Variants in EPHA6 observed in about 807,000 individuals in gnomAD.
EPHA6 encodes ephrin type-A receptor 6.
Under a neutral mutation model 112.0 loss-of-function variants are expected in EPHA6, and 50 were observed. The ratio of observed to expected loss-of-function variants is 0.45; its 90% confidence interval spans 0.36 to 0.56. The LOEUF (loss-of-function observed/expected upper bound fraction) is 0.56, where lower values mean the gene tolerates loss of function less well. Among genes scored for constraint, EPHA6 ranks in the 20% least tolerant of loss-of-function variants. EPHA6 has a pLI of 0.00. For missense variants in EPHA6, 1,280 were observed against 1,417.4 expected (o/e 0.90, Z 1.56); for synonymous variants, 529 against 490.7 (o/e 1.08, Z -1.03).
chr3:97,180,718 G>T (rs1460991160), intron 3 of EPHA6, among the ~76,000 whole-genome samples: 1 of 152,050 alleles, frequency 6.6e-6, no homozygotes, highest in Non-Finnish European at 1.5e-5. Context: ...GGCTGAGCTG[G>T]AATCCTAGAT....
intron 3 of EPHA6, among the ~76,000 whole-genome samples, chr3:97,096,034 T>A (rs193051592): frequency 2.4e-4 from 36 of 152,162 alleles, no homozygotes; most frequent in Non-Finnish European, 1.0e-4. Context: ...GGATGGTGGA[T>A]AAGACACATA....
chr3:97,124,786 G>T (rs2108311696), intron 3 of EPHA6, among the ~76,000 whole-genome samples: 1 of 152,250 alleles, frequency 6.6e-6, no homozygotes, highest in Middle Eastern at 3.4e-3. Flanking sequence ...AGAAATGTGT[G>T]CTCTACCCTA....
intron 7 of EPHA6, among the ~76,000 whole-genome samples, chr3:97,461,243 A>T (rs1264311377): frequency 6.6e-6 from 1 of 152,212 alleles, no homozygotes; most frequent in Non-Finnish European, 1.5e-5. Context: ...GGTATTTTGC[A>T]GGTAAATTGC....
intron 10 of EPHA6, among the ~76,000 whole-genome samples, chr3:97,502,057 G>C (rs374990712): frequency 6.6e-6 from 1 of 151,442 alleles, no homozygotes; most frequent in Non-Finnish European, 1.5e-5. Flanking sequence ...CAGGGCTTAC[G>C]TACCACAGAG....
intron 15 of EPHA6, among the ~76,000 whole-genome samples, chr3:97,733,781 TA>T (rs2035139233): frequency 1.3e-5 from 2 of 152,088 alleles, no homozygotes; most frequent in Admixed American, 6.6e-5. Context: ...AATTTTTATT[TA>T]CCCAGAATAT....
chr3:97,441,890 G>A (rs936254693), intron 6 of EPHA6, among the ~76,000 whole-genome samples: 1 of 151,896 alleles, frequency 6.6e-6, no homozygotes, highest in Non-Finnish European at 1.5e-5. Context: ...AGAAAATGAT[G>A]ATTTATTTCA....
intron 14 of EPHA6, among the ~76,000 whole-genome samples, chr3:97,700,240 G>A (rs988136909): frequency 1.3e-5 from 2 of 152,180 alleles, no homozygotes; most frequent in Non-Finnish European, 2.9e-5. Context: ...AAGCAAGAAA[G>A]ATGTTGCTGT....
intron 5 of EPHA6, among the ~76,000 whole-genome samples, chr3:97,326,122 T>C (rs1284105946): frequency 6.6e-6 from 1 of 152,050 alleles, no homozygotes; most frequent in African/African-American, 2.4e-5. Flanking sequence ...TTATATTACC[T>C]GAGTCACTAT....
At position 97,255,928 on chromosome 3, in the gene EPHA6, T is replaced by A. The variant is rs1241867618; in HGVS notation, c.1606+11641T>A. Among the ~76,000 whole-genome samples the A allele has an allele frequency of 2.6e-5, 4 of 152,278 alleles. No homozygotes were observed. The East Asian group carries it at 7.7e-4, about 29-fold the overall frequency. On this transcript the variant is annotated intron_variant, in intron 5 of 17. Coordinates refer to ENST00000389672, the MANE Select transcript of EPHA6 (RefSeq NM_001080448.3). ...TTTAGTTCTTTGTTAAACAAAATTT[T>A]AAAAATACACTTAATATAATTTTTG... is the stretch of plus-strand genomic sequence containing the variant.
chr3:96,987,257 A>T, intron 2 of EPHA6, 73 bp from the exon 3 acceptor site: 3 of 1,369,430 alleles, frequency 2.2e-6, no homozygotes, highest in Non-Finnish European at 3.0e-6. Context: ...AAAACAAAAA[A>T]AATTGTAAGT....
chr3:96,956,427 G>A (rs1039125189), intron 2 of EPHA6, among the ~76,000 whole-genome samples: 1 of 152,152 alleles, frequency 6.6e-6, no homozygotes, highest in African/African-American at 2.4e-5. Context: ...TTACCCCAAA[G>A]CTGGAATACA....
In EPHA6 at chr3:96,963,621, G is replaced by A. The variant is rs866905061; in HGVS notation, c.451-23709G>A. Among the ~76,000 whole-genome samples, 19 of 152,220 alleles carry A rather than the reference G, an allele frequency of 1.2e-4. No individual in the cohort carries two copies. In the South Asian group the frequency reaches 1.7e-3, roughly 13 times the overall value. ...TCCATATCTACAGTGGAGGCAACTTGAGTCCATTTCCAGAAAACTCATCAT... is the reference window on the plus strand; with the variant it reads ...TCCATATCTACAGTGGAGGCAACTTAAGTCCATTTCCAGAAAACTCATCAT... On this transcript the variant is annotated intron_variant, in intron 2 of 17. Transcript: ENST00000389672.
chr3:97,525,004 G>T (rs890272985), intron 10 of EPHA6, among the ~76,000 whole-genome samples: 1 of 151,916 alleles, frequency 6.6e-6, no homozygotes, highest in Non-Finnish European at 1.5e-5. Flanking sequence ...TCTTTCTTGG[G>T]GTCCTTTGAG....
chr3:97,565,422 A>T (rs2093250580), intron 11 of EPHA6, among the ~76,000 whole-genome samples: 1 of 152,222 alleles, frequency 6.6e-6, no homozygotes. Context: ...TCTGCTTTCT[A>T]AATCTGTGAC....
chr3:97,374,291 C>T (rs1007855373), intron 5 of EPHA6, among the ~76,000 whole-genome samples: 8 of 152,092 alleles, frequency 5.3e-5, no homozygotes, highest in African/African-American at 1.9e-4. Context: ...TTGCTTCTGT[C>T]ATCTTTAACA....
intron 2 of EPHA6, among the ~76,000 whole-genome samples, chr3:96,877,072 A>G (rs900540985): frequency 1.3e-5 from 2 of 152,172 alleles, no homozygotes; most frequent in African/African-American, 4.8e-5. Flanking sequence ...CTGGATAGCT[A>G]AGTAGATGTA....
At chr3:96,825,893 A>G (rs1355189028) in intron 1 of EPHA6, among the ~76,000 whole-genome samples, 7 of 151,798 alleles carry the variant, frequency 4.6e-5, no homozygotes, top group African/African-American at 1.4e-4. Flanking sequence ...ATTAATTATA[A>G]TAATTAAAGA....
At chr3:97,341,673 A>G (rs2083311175) in intron 5 of EPHA6, among the ~76,000 whole-genome samples, 1 of 152,156 alleles carries the variant, frequency 6.6e-6, no homozygotes, top group South Asian at 2.1e-4. Flanking sequence ...AACATATAGG[A>G]AACATTAGAT....
intron 4 of EPHA6, among the ~76,000 whole-genome samples, chr3:97,237,274 G>A (rs895383018): frequency 3.3e-5 from 5 of 151,404 alleles, no homozygotes; most frequent in Non-Finnish European, 7.4e-5. Flanking sequence ...TTGCAATGCT[G>A]TATTTTTAAA....
Sources: gnomAD v4.1 joint callset for allele counts (sites outside exome capture counted in the v4.1 genomes callset) on GRCh38, gnomAD v4.1.1 for gene constraint, MANE v1.5 for transcripts, NCBI Gene and HGNC (gene_info 2026-07-23, HGNC 2026-07-21) for gene names.